Variants in GPR39 observed in about 807,000 individuals in gnomAD.
GPR39 encodes the protein G protein-coupled receptor 39.
Under a neutral mutation model 18.4 loss-of-function variants are expected in GPR39, and 23 were observed. The observed-to-expected ratio is 1.25, with a 90% CI of 0.90 to 1.77. GPR39 has a LOEUF of 1.77. Ranked by LOEUF, GPR39 falls within the 40% of genes most tolerant of loss-of-function variation. GPR39 has a pLI of 0.00. For synonymous variants in GPR39, 280 were observed against 257.9 expected, an observed-to-expected ratio of 1.09 and a Z score of -0.82; for missense variants, 647 against 602.4, an observed-to-expected ratio of 1.07 and a Z score of -0.78.
At chr2:132,576,811 TTTG>T (rs1389132665) in intron 1 of GPR39, among the ~76,000 whole-genome samples, 2 of 152,220 alleles carry the variant, frequency 1.3e-5, no homozygotes, top group African/African-American at 2.4e-5. Flanking sequence ...GGCCAAGGTT[TTTG>T]TTGTTGTTTT....
intron 1 of GPR39, among the ~76,000 whole-genome samples, chr2:132,618,211 C>T (rs72841256): frequency 0.015 from 2,356 of 152,298 alleles, 27 homozygotes; most frequent in Middle Eastern, 0.024. Flanking sequence ...CCAGTCCATC[C>T]GGCCACCTGA....
chr2:132,611,579 C>G (rs922002310), intron 1 of GPR39, among the ~76,000 whole-genome samples: 14 of 151,042 alleles, frequency 9.3e-5, no homozygotes, highest in Non-Finnish European at 1.9e-4. Context: ...CAATTTTCTT[C>G]TAGGAAACTG....
At chr2:132,497,197 C>T (rs12691819) in intron 1 of GPR39, among the ~76,000 whole-genome samples, 144,035 of 152,270 alleles carry the variant, frequency 0.95, 68,640 homozygotes, top group East Asian at 1. Context: ...AGGGTCAACA[C>T]TACATTTGCA....
chr2:132,427,131 CATATATATATATATATAT>C lies in GPR39; in HGVS notation c.856+9250_856+9267del, dbSNP rs199931479. On this transcript the variant is annotated intron_variant, in intron 1 of 1. Transcript: ENST00000329321. ...TATATATAATATACATATATAGGTACATATATATATATATATATATATATATATATATATGAAATTTTT... is the reference window on the plus strand; with the variant it reads ...TATATATAATATACATATATAGGTACATATATATATATATATGAAATTTTT... Among the ~76,000 whole-genome samples, 330 of 80,770 alleles carry C rather than the reference CATATATATATATATATAT, an allele frequency of 4.1e-3. 4 individuals carry two copies. Among genetic ancestry groups the C allele is most frequent in the Non-Finnish European group, 5.6e-3 (248 of 44,614 alleles). The allele number at this position is 80,770 out of a possible 152,430, so 53.0% of individuals were successfully genotyped here. A position where few individuals can be genotyped will look rare whatever the true frequency, so the allele number is the denominator to read the frequency against.
Position 132,417,063 on chromosome 2 carries a change from G to A in GPR39, c.21G>A (p.Pro7=), listed in dbSNP as rs144024102. The change falls in exon 1 of 2, where the codon CCG becomes CCA. Residue 7 remains proline (P), a synonymous_variant. Transcript: ENST00000329321. MASPSL[P]GSDCSQIIDH... ...TTCTCATGGCTTCACCCAGCCTCCC[G>A]GGCAGTGACTGCTCCCAAATCATTG... 7 of 1,613,800 alleles carry A rather than the reference G, an allele frequency of 4.3e-6. No individual in the cohort carries two copies. The East Asian group carries it at 1.3e-4, about 31-fold the overall frequency.
chr2:132,540,115 A>G (rs1679835770), intron 1 of GPR39, among the ~76,000 whole-genome samples: 1 of 152,082 alleles, frequency 6.6e-6, no homozygotes, highest in African/African-American at 2.4e-5. Context: ...CCATTCCCCA[A>G]ACTTCCTGTA....
intron 1 of GPR39, among the ~76,000 whole-genome samples, chr2:132,584,233 G>A (rs1052423686): frequency 6.6e-6 from 1 of 152,106 alleles, no homozygotes; most frequent in Non-Finnish European, 1.5e-5. Context: ...GGCTCTGGGG[G>A]CAGAGTGCTG....
chr2:132,642,898 G>A lies in GPR39; in HGVS notation c.857-2203G>A, dbSNP rs376838428. ...AAAGAGAAAAAAAATGCAAAACTTT[G>A]TGAAAATATGTGGCTTCCTCAGGTA... On this transcript the variant is annotated intron_variant, in intron 1 of 1. Coordinates refer to ENST00000329321, the MANE Select transcript of GPR39 (RefSeq NM_001508.3). Among the ~76,000 whole-genome samples, 59 of 152,202 alleles carry A rather than the reference G, an allele frequency of 3.9e-4. 2 individuals are homozygous for A. The highest frequency in any genetic ancestry group is 1.3e-3 in the African/African-American group (56 of 41,506).
intron 1 of GPR39, among the ~76,000 whole-genome samples, chr2:132,621,168 C>T (rs559795714): frequency 1.3e-5 from 2 of 152,322 alleles, no homozygotes; most frequent in East Asian, 1.9e-4. Flanking sequence ...TTCAGCCACC[C>T]ATCCCTAGAG....
At chr2:132,464,126 C>A (rs528543336) in intron 1 of GPR39, among the ~76,000 whole-genome samples, 1 of 152,204 alleles carries the variant, frequency 6.6e-6, no homozygotes, top group African/African-American at 2.4e-5. Context: ...TTAAAAATCA[C>A]GTAGTTCTTA....
chr2:132,540,547 C>T lies in GPR39; in HGVS notation c.857-104554C>T, dbSNP rs537226973. Among the ~76,000 whole-genome samples the T allele has an allele frequency of 2.0e-4, 30 of 152,298 alleles. 1 individual carries two copies. Among genetic ancestry groups the T allele is most frequent in the Admixed American group, 5.2e-4 (8 of 15,302 alleles). ...GTATTGCAGGTGTTTGTGAGCTGGA[C>T]CCCGGAGCATCACCCTTTAAGAACT... On this transcript the variant is annotated intron_variant, in intron 1 of 1. Transcript: ENST00000329321.
intron 1 of GPR39, among the ~76,000 whole-genome samples, chr2:132,559,215 C>T (rs1176301317): frequency 6.6e-6 from 1 of 152,088 alleles, no homozygotes; most frequent in Non-Finnish European, 1.5e-5. Flanking sequence ...GGTTGGGATC[C>T]AGGATCGGAA....
intron 1 of GPR39, among the ~76,000 whole-genome samples, chr2:132,632,546 G>C (rs541509688): frequency 6.6e-6 from 1 of 152,100 alleles, no homozygotes; most frequent in African/African-American, 2.4e-5. Context: ...CAGCTGGCTG[G>C]GGCTGTGTGT....
At chr2:132,505,971 C>T (rs893326059) in intron 1 of GPR39, among the ~76,000 whole-genome samples, 1 of 152,172 alleles carries the variant, frequency 6.6e-6, no homozygotes, top group East Asian at 1.9e-4. Context: ...TTTGAGAAAT[C>T]TCCATACTGT....
At chr2:132,456,958 TG>T (rs1479545313) in intron 1 of GPR39, among the ~76,000 whole-genome samples, 1 of 152,192 alleles carries the variant, frequency 6.6e-6, no homozygotes, top group Non-Finnish European at 1.5e-5. Context: ...TTATGTGTCT[TG>T]GGGTGGCTCT....
intron 1 of GPR39, among the ~76,000 whole-genome samples, chr2:132,496,514 T>C (rs1461027564): frequency 2.0e-5 from 3 of 152,196 alleles, no homozygotes; most frequent in Non-Finnish European, 4.4e-5. Flanking sequence ...ACTTTATTAG[T>C]GATCCCCAAC....
intron 1 of GPR39, among the ~76,000 whole-genome samples, chr2:132,526,117 G>A (rs374142614): frequency 9.9e-5 from 15 of 152,194 alleles, no homozygotes; most frequent in African/African-American, 3.4e-4. Flanking sequence ...GGCTATTTAT[G>A]GTATTCATCC....
At chr2:132,426,504 GTCC>G (rs1680120379) in intron 1 of GPR39, among the ~76,000 whole-genome samples, 1 of 152,208 alleles carries the variant, frequency 6.6e-6, no homozygotes. Flanking sequence ...GCTTTCCAGA[GTCC>G]TCCTCACCAG....
chr2:132,552,909 CATATATAT>C (rs1212108218), intron 1 of GPR39, among the ~76,000 whole-genome samples: 194 of 89,430 alleles, frequency 2.2e-3, no homozygotes, highest in Admixed American at 4.1e-3. Context: ...TATACACACA[CATATATAT>C]ACACACACAC....
Sources: gnomAD v4.1 joint callset for allele counts (sites outside exome capture counted in the v4.1 genomes callset) on GRCh38, gnomAD v4.1.1 for gene constraint, MANE v1.5 for transcripts, NCBI Gene and HGNC (gene_info 2026-07-23, HGNC 2026-07-21) for gene names.